The following AKAP19 variants were observed in gnomAD, a reference collection of about 807,000 sequenced individuals.
AKAP19 encodes the protein small A-kinase anchoring protein.
the AKAP19 span, among the ~76,000 whole-genome samples, chr2:190,111,531 C>G: frequency 6.6e-6 from 1 of 152,180 alleles, no homozygotes; most frequent in Non-Finnish European, 1.5e-5. Context: ...CCAGCATAAT[C>G]TCTTTCAACC....
the AKAP19 span, among the ~76,000 whole-genome samples, chr2:190,142,648 A>G: frequency 6.6e-6 from 1 of 152,222 alleles, no homozygotes; most frequent in African/African-American, 2.4e-5. Flanking sequence ...GGATGAAAAG[A>G]AAGCCAAGTT....
chr2:189,893,581 G>A, the AKAP19 span, among the ~76,000 whole-genome samples: 2 of 152,098 alleles, frequency 1.3e-5, no homozygotes, highest in Non-Finnish European at 2.9e-5. Context: ...GAAATGAGCC[G>A]GGTACCTCAG....
chr2:190,049,976 G>C, the AKAP19 span, among the ~76,000 whole-genome samples: 45 of 152,194 alleles, frequency 3.0e-4, no homozygotes, highest in Non-Finnish European at 5.0e-4. Flanking sequence ...TTGCATTTTG[G>C]GGGGAGGATA....
chr2:190,001,102 G>T, the AKAP19 span, among the ~76,000 whole-genome samples: 1 of 152,002 alleles, frequency 6.6e-6, no homozygotes, highest in Non-Finnish European at 1.5e-5. Context: ...ATGTTGGTGA[G>T]CTCCTATAGT....
chr2:190,124,727 A>G, the AKAP19 span, among the ~76,000 whole-genome samples: 1 of 152,154 alleles, frequency 6.6e-6, no homozygotes, highest in Non-Finnish European at 1.5e-5. Context: ...TAACTTTCTT[A>G]CTTTATAAAA....
At chr2:190,194,423 TTTAAG>T in the AKAP19 span, among the ~76,000 whole-genome samples, 6 of 151,736 alleles carry the variant, frequency 4.0e-5, no homozygotes, top group Admixed American at 6.6e-5. Flanking sequence ...TCAGAGCAGT[TTTAAG>T]TTAACAGAAA....
the AKAP19 span, chr2:189,917,129 A>G: frequency 2.4e-6 from 1 of 408,216 alleles, no homozygotes; most frequent in Non-Finnish European, 4.5e-6. Context: ...TATTAATTGA[A>G]GGTCACAGAA....
the AKAP19 span, among the ~76,000 whole-genome samples, chr2:189,950,035 T>TTTG: frequency 2.1e-5 from 3 of 142,744 alleles, no homozygotes; most frequent in Non-Finnish European, 3.1e-5. Context: ...TGGGTTTTTT[T>TTTG]TTTTTTTTTT....
chr2:190,140,386 T>C, the AKAP19 span, among the ~76,000 whole-genome samples: 1 of 152,162 alleles, frequency 6.6e-6, no homozygotes, highest in Non-Finnish European at 1.5e-5. Flanking sequence ...CCACACCACA[T>C]TTCCCTTCTG....
the AKAP19 span, among the ~76,000 whole-genome samples, chr2:190,174,648 A>G: frequency 6.6e-6 from 1 of 152,234 alleles, no homozygotes; most frequent in African/African-American, 2.4e-5. Context: ...TGAAAGGCAC[A>G]TATGCCCTAA....
chr2:190,132,224 C>T, the AKAP19 span, among the ~76,000 whole-genome samples: 9 of 152,070 alleles, frequency 5.9e-5, no homozygotes, highest in East Asian at 1.9e-4. Context: ...TATTACAAAG[C>T]GATCTACAGG....
chr2:189,943,837 G>T, the AKAP19 span, among the ~76,000 whole-genome samples: 1 of 152,214 alleles, frequency 6.6e-6, no homozygotes, highest in Non-Finnish European at 1.5e-5. Flanking sequence ...GCCCTGCAGC[G>T]TTATGAACTT....
chr2:190,055,176 T>C, the AKAP19 span, among the ~76,000 whole-genome samples: 1 of 151,948 alleles, frequency 6.6e-6, no homozygotes, highest in Non-Finnish European at 1.5e-5. Context: ...ATGTCCTTTG[T>C]AGGGACATGG....
chr2:190,031,237 G>C, the AKAP19 span, among the ~76,000 whole-genome samples: 1 of 152,208 alleles, frequency 6.6e-6, no homozygotes, highest in Non-Finnish European at 1.5e-5. Context: ...GAACACAATA[G>C]TACAGGATGT....
chr2:189,957,414 TAC>T, the AKAP19 span, among the ~76,000 whole-genome samples: 1 of 152,214 alleles, frequency 6.6e-6, no homozygotes, highest in African/African-American at 2.4e-5. Context: ...CATATTTTAT[TAC>T]AGTTAAGACA....
the AKAP19 span, among the ~76,000 whole-genome samples, chr2:189,970,439 G>T: frequency 1.3e-5 from 2 of 152,022 alleles, no homozygotes; most frequent in Admixed American, 1.3e-4. Context: ...CTTAGCAAAT[G>T]ATATTATTTT....
chr2:190,199,955 A>G, the AKAP19 span: 26 of 1,614,136 alleles, frequency 1.6e-5, no homozygotes, highest in African/African-American at 6.7e-5. Context: ...ATGCCAGAAG[A>G]GAGATGTCTA....
chr2:190,131,678 G>A, the AKAP19 span, among the ~76,000 whole-genome samples: 43 of 152,270 alleles, frequency 2.8e-4, no homozygotes, highest in South Asian at 4.4e-3. Flanking sequence ...GTTTGCAGTC[G>A]GCATCTGAAG....
the AKAP19 span, among the ~76,000 whole-genome samples, chr2:190,035,933 G>T: frequency 6.6e-6 from 1 of 152,066 alleles, no homozygotes; most frequent in East Asian, 1.9e-4. Context: ...AAATATCTAG[G>T]CATGGAATTG....
Sources: allele counts gnomAD v4.1 joint callset (sites outside exome capture counted in the v4.1 genomes callset), GRCh38; gene constraint gnomAD v4.1.1; transcripts MANE v1.5; gene names NCBI Gene and HGNC (gene_info 2026-07-23, HGNC 2026-07-21).